Variants in CAPN1 observed in about 807,000 individuals in gnomAD.
CAPN1 encodes calpain-1 catalytic subunit.
A neutral mutation model predicts 105.2 loss-of-function variants in CAPN1; 77 were observed. The observed-to-expected ratio is 0.73, with a 90% confidence interval of 0.61 to 0.88. The LOEUF is 0.88. CAPN1 is among the 40% of genes least tolerant of loss of function. The pLI, the probability that CAPN1 is intolerant of heterozygous loss-of-function variation, is 0.00. For synonymous variants in CAPN1, 355 were observed against 388.8 expected, an observed-to-expected ratio of 0.91 and a Z score of 1.02; for missense variants, 833 against 976.6, an observed-to-expected ratio of 0.85 and a Z score of 1.96.
rs762939690 is a variant in CAPN1 at position 65,188,701 on chromosome 11, A to G, written c.1120A>G (p.Thr374Ala). 18 of 1,607,310 alleles carry G rather than the reference A, an allele frequency of 1.1e-5. No individual in the cohort carries two copies. The highest frequency in any genetic ancestry group is 1.4e-5 in the Non-Finnish European group (16 of 1,176,988). ...RKWNTTLYEG[T>A]WRRGSTAGGC... Reference sequence around the variant, plus strand: ...ATGGAACACCACACTCTACGAAGGCACCTGGCGGCGGGGGAGCACCGCGGG... The same window carrying G: ...ATGGAACACCACACTCTACGAAGGCGCCTGGCGGCGGGGGAGCACCGCGGG... Residue 374 changes from threonine to alanine, a missense_variant, in exon 10 of 22, where the codon ACC becomes GCC. Coordinates refer to ENST00000279247, the MANE Select transcript of CAPN1 (RefSeq NM_005186.4). The surrounding 1 kb of genome is among the most constrained non-coding windows in gnomAD (Gnocchi z 5.5).
At chr11:65,187,656 G>A (rs143875463) in intron 7 of CAPN1, 5,122 of 451,672 alleles carry the variant, frequency 0.011, 214 homozygotes, top group African/African-American at 0.091. Flanking sequence ...GGAGGCTGAG[G>A]TGGGCAGATC....
At chr11:65,183,664 C>A (rs1948587889) in intron 4 of CAPN1, 72 bp downstream of exon 4, 4 of 1,007,850 alleles carry the variant, frequency 4.0e-6, no homozygotes, top group Non-Finnish European at 6.2e-6. Flanking sequence ...ACAATACCTG[C>A]AGTTAGGGCC....
Position 65,186,282 on chromosome 11 carries a change from T to C in CAPN1, c.703T>C (p.Tyr235His), listed in dbSNP as rs1234136306. ...YELRKAPSDL[Y>H]QIILKALERG... ...GTTGCGCAAGGCTCCCAGTGACCTC[T>C]ACCAGATCATCCTCAAGGCGCTGGA... Residue 235 changes from tyrosine to histidine, a missense_variant, in exon 6 of 22, where the codon TAC becomes CAC. Physicochemically the swap from Tyr to His is moderately conservative, Grantham distance 83 (BLOSUM62 2). Coordinates refer to ENST00000279247, the MANE Select transcript of CAPN1 (RefSeq NM_005186.4). 1.2e-5 allele frequency: 19 copies of C among 1,613,416 alleles called. No individual in the cohort carries two copies. Among genetic ancestry groups the C allele is most frequent in the Non-Finnish European group, 1.6e-5 (19 of 1,179,684 alleles).
intron 21 of CAPN1, 145 bp from the exon 22 acceptor site, chr11:65,211,115 G>A (rs1012168585): frequency 4.4e-6 from 4 of 912,868 alleles, no homozygotes; most frequent in South Asian, 1.4e-5. Context: ...TCCCAGGGGT[G>A]GAGGAGGTAA....
In CAPN1 at chr11:65,211,404, C is replaced by A; in HGVS notation, c.*118C>A. ...AAGTGCCTTCCTTGGAGCAGAGAGG[C>A]AGCCTCGTCCTCCTGTCCCCTCTCC... On this transcript the variant is annotated 3_prime_UTR_variant, in exon 22 of 22. Coordinates refer to ENST00000279247, the MANE Select transcript of CAPN1 (RefSeq NM_005186.4). 2 of 915,250 alleles carry A rather than the reference C, an allele frequency of 2.2e-6. No individual in the cohort carries two copies. Among genetic ancestry groups the A allele is most frequent in the Non-Finnish European group, 1.7e-6 (1 of 575,774 alleles). The allele number at this position is 915,250 out of a possible 1,614,324, so 56.7% of individuals were successfully genotyped here. A position where few individuals can be genotyped will look rare whatever the true frequency, so the allele number is the denominator to read the frequency against.
chr11:65,197,391 C>A (rs1051314828), intron 10 of CAPN1, among the ~76,000 whole-genome samples: 1 of 152,100 alleles, frequency 6.6e-6, no homozygotes, highest in Admixed American at 6.5e-5. Context: ...TTTTTAAAAT[C>A]TAGTGACCAC....
intron 10 of CAPN1, among the ~76,000 whole-genome samples, chr11:65,190,712 G>GTTT (rs1565399076): frequency 1.8e-5 from 1 of 56,554 alleles, no homozygotes. Context: ...GGTTTTTTTT[G>GTTT]TTTTTGTTTT....
In CAPN1 at chr11:65,209,969, G is replaced by C. The variant is rs943998854; in HGVS notation, c.1864-49G>C. ...ATGCAGGTGCGGGCCGGGCAGGTGG[G>C]AAGGGCCGGGTGACTCAGCCTGGCC... On this transcript the variant is annotated intron_variant, in intron 18 of 21. Transcript: ENST00000279247. The surrounding 1 kb of genome is among the most constrained non-coding windows in gnomAD (Gnocchi z 4.1). 6.2e-7 allele frequency: 1 copy of C among 1,611,568 alleles called. No individual in the cohort carries two copies. The highest frequency in any genetic ancestry group is 8.5e-7 in the Non-Finnish European group (1 of 1,178,334).
intron 10 of CAPN1, among the ~76,000 whole-genome samples, chr11:65,192,186 G>C (rs1162718056): frequency 6.6e-6 from 1 of 152,094 alleles, no homozygotes; most frequent in Non-Finnish European, 1.5e-5. Flanking sequence ...AGTGAGCCAT[G>C]TTTGCGCCAC....
At position 65,208,262 on chromosome 11, in the gene CAPN1, C is replaced by T. The variant is rs377272789; in HGVS notation, c.1729C>T (p.His577Tyr). ...AATCCTCAATAGGATCATCAGCAAA[C>T]GTGAGTCCCCGCGGGGCTGTCCCAC... is the stretch of plus-strand genomic sequence containing the variant. ...RTILNRIISKHKDLRTKGFSL... is the reference protein window; with the variant it reads ...RTILNRIISKYKDLRTKGFSL... The change falls in exon 16 of 22, where the codon CAC becomes TAC. Residue 577 changes from histidine to tyrosine, a missense_variant and splice_region_variant. His to Tyr is a moderately conservative substitution (Grantham distance 83). Transcript: ENST00000279247. The surrounding 1 kb of genome is among the most constrained non-coding windows in gnomAD (Gnocchi z 4.1). 1.9e-6 allele frequency: 3 copies of T among 1,560,246 alleles called. No homozygotes were observed. Among genetic ancestry groups the T allele is most frequent in the South Asian group, 1.2e-5 (1 of 84,644 alleles).
chr11:65,204,960 C>A (rs1172424156), intron 11 of CAPN1, 102 bp downstream of exon 11: 7 of 946,882 alleles, frequency 7.4e-6, no homozygotes, highest in African/African-American at 1.6e-5. Context: ...CGCCAGGGAC[C>A]ATGCCCTTCC....
intron 10 of CAPN1, among the ~76,000 whole-genome samples, chr11:65,202,505 A>T (rs1391019741): frequency 1.3e-5 from 2 of 151,848 alleles, no homozygotes; most frequent in Non-Finnish European, 2.9e-5. Context: ...TGCAGTGGCC[A>T]GATCTCGGCT....
chr11:65,206,747 C>G, intron 13 of CAPN1, 33 bp from the exon 14 acceptor site: 2 of 1,612,384 alleles, frequency 1.2e-6, no homozygotes, highest in Non-Finnish European at 1.7e-6. Context: ...CTGTCCCCCT[C>G]TGACTGGCTC....
At chr11:65,183,763 G>A (rs1222132548) in intron 4 of CAPN1, 171 bp downstream of exon 4, 1 of 586,974 alleles carries the variant, frequency 1.7e-6, no homozygotes, top group Non-Finnish European at 3.0e-6. Flanking sequence ...ACTGGGCTGG[G>A]CAGGTATTTC....
chr11:65,188,732 G>C lies in CAPN1; in HGVS notation c.1151G>C (p.Cys384Ser), dbSNP rs746531790. ...CGGCGGGGGAGCACCGCGGGGGGCT[G>C]CCGAAACTACCCAGGTGCACAGGGG... ...TWRRGSTAGGCRNYPATFWVN... is the reference protein window; with the variant it reads ...TWRRGSTAGGSRNYPATFWVN... The change falls in exon 10 of 22, where the codon TGC becomes TCC. Residue 384 changes from cysteine to serine, a missense_variant. Physicochemically the swap from Cys to Ser is moderately radical, Grantham distance 112. Transcript: ENST00000279247. This position sits in a 1 kb window ranked among gnomAD's most constrained non-coding sequence, Gnocchi z 5.5. 18 of 1,573,310 alleles carry C rather than the reference G, an allele frequency of 1.1e-5. No homozygotes were observed. Among genetic ancestry groups the C allele is most frequent in the Middle Eastern group, 1.7e-4 (1 of 6,018 alleles).
chr11:65,210,446 A>G lies in CAPN1; in HGVS notation c.2053A>G (p.Met685Val). 3 of 1,604,128 alleles carry G rather than the reference A, an allele frequency of 1.9e-6. No individual in the cohort carries two copies. Among genetic ancestry groups the G allele is most frequent in the East Asian group, 2.2e-5 (1 of 44,766 alleles). The change falls in exon 20 of 22, where the codon ATG becomes GTG. Residue 685 changes from methionine (M) to valine (V), a missense_variant. Coordinates refer to ENST00000279247, the MANE Select transcript of CAPN1 (RefSeq NM_005186.4). The surrounding 1 kb of genome is among the most constrained non-coding windows in gnomAD (Gnocchi z 4.3). ...FVCCLVRLET[M>V]FRFFKTLDTD... The stretch of plus-strand genomic sequence containing the variant: ...TTGCTGCCTGGTGCGGCTAGAGACC[A>G]TGTTCCGTGAGTGTCCCCAACTGCC...
In CAPN1 at chr11:65,208,342, G is replaced by T; in HGVS notation, c.1729+80G>T. 1 of 1,332,864 alleles carries T rather than the reference G, an allele frequency of 7.5e-7. No homozygotes were observed. 82.6% of individuals were successfully genotyped at this position (1,332,864 alleles called of 1,614,324 possible). A position where few individuals can be genotyped will look rare whatever the true frequency, so the allele number is the denominator to read the frequency against. On this transcript the variant is annotated intron_variant, in intron 16 of 21. Coordinates refer to ENST00000279247, the MANE Select transcript of CAPN1 (RefSeq NM_005186.4). This position sits in a 1 kb window ranked among gnomAD's most constrained non-coding sequence, Gnocchi z 4.1. ...CAGGCTCCTGCTCACACATTGAGCT[G>T]AACCTCATCCCTTGGTCTGCATGAG...
Sources: gnomAD v4.1 joint callset for allele counts (sites outside exome capture counted in the v4.1 genomes callset) on GRCh38, gnomAD v4.1.1 for gene constraint, Gnocchi (gnomAD v3.1) non-coding constraint, MANE v1.5 for transcripts, NCBI Gene and HGNC (gene_info 2026-07-23, HGNC 2026-07-21) for gene names.